The following ADAD1 variants were observed in gnomAD, a reference collection of about 807,000 sequenced individuals.
The protein encoded by ADAD1 is adenosine deaminase domain containing 1, also known as adenosine deaminase domain-containing protein 1.
A neutral mutation model predicts 66.8 loss-of-function variants in ADAD1; 46 were observed. The ratio of observed to expected loss-of-function variants is 0.69; its 90% CI spans 0.54 to 0.88. The LOEUF is 0.88. ADAD1 is among the 40% of genes least tolerant of loss of function. The pLI, the probability that ADAD1 is intolerant of heterozygous loss-of-function variation, is 0.00. For synonymous variants in ADAD1, 248 were observed against 229.4 expected (o/e 1.08, Z -0.73); for missense variants, 617 against 681.8 (o/e 0.91, Z 1.06).
Position 122,403,403 on chromosome 4 carries a change from C to T in ADAD1, c.725-4505C>T, listed in dbSNP as rs1012308343. 2.0e-4 allele frequency among the ~76,000 whole-genome samples: 30 copies of T among 152,114 alleles called. 1 individual carries two copies. The highest frequency in any genetic ancestry group is 1.4e-3 in the Admixed American group (21 of 15,262). On this transcript the variant is annotated intron_variant, in intron 7 of 12. Coordinates refer to ENST00000296513, the MANE Select transcript of ADAD1 (RefSeq NM_139243.4). ...TGCTCTGGTAGAGGTGGCAGGGTAG[C>T]GAAGTGGACTCTGTGGGAATCCTTG...
rs1044581563 is a variant in ADAD1, at chr4:122,411,099, T to A, written c.849-123T>A. On this transcript the variant is annotated intron_variant, in intron 8 of 12. Transcript: ENST00000296513. ...ATAAAGCTAAGATTGATTTAGGAGTTCTTACCTGTGTCAAAACTTTTAACA... is the reference window on the plus strand; with the variant it reads ...ATAAAGCTAAGATTGATTTAGGAGTACTTACCTGTGTCAAAACTTTTAACA... 5.4e-6 allele frequency: 4 copies of A among 744,232 alleles called. No individual in the cohort carries two copies. The East Asian group carries it at 1.2e-4, about 23-fold the overall frequency. The allele number at this position is 744,232 out of a possible 1,614,324, so 46.1% of individuals were successfully genotyped here.
At chr4:122,420,760 C>T (rs1473660805) in intron 11 of ADAD1, among the ~76,000 whole-genome samples, 1 of 152,162 alleles carries the variant, frequency 6.6e-6, no homozygotes, top group Admixed American at 6.5e-5. Flanking sequence ...CATCTACATG[C>T]ACATAATATA....
chr4:122,411,923 A>C (rs960768548), intron 9 of ADAD1, among the ~76,000 whole-genome samples: 1 of 152,170 alleles, frequency 6.6e-6, no homozygotes, highest in African/African-American at 2.4e-5. Context: ...GTATGGATTT[A>C]TGCACTACTC....
rs560462223 is a variant in ADAD1 at position 122,426,906 on chromosome 4, C to G, written c.1618-2720C>G. On this transcript the variant is annotated intron_variant, in intron 12 of 12. Transcript: ENST00000296513. ...TAATGGTGAAAAGACTGAATAACTC[C>G]TTTCCCTACTCAAGATTGGGGAAGA... Among the ~76,000 whole-genome samples, 7 of 152,288 alleles carry G rather than the reference C, an allele frequency of 4.6e-5. No homozygotes were observed. In the East Asian group the frequency reaches 1.3e-3, roughly 29 times the overall value.
chr4:122,407,397 A>G (rs1796263783), intron 7 of ADAD1, among the ~76,000 whole-genome samples: 1 of 152,178 alleles, frequency 6.6e-6, no homozygotes, highest in Non-Finnish European at 1.5e-5. Context: ...GAATGGAGCA[A>G]AGTTACTGGA....
At chr4:122,397,442 G>A (rs56387607) in intron 7 of ADAD1, among the ~76,000 whole-genome samples, 69,035 of 151,958 alleles carry the variant, frequency 0.45, 16,432 homozygotes, top group Middle Eastern at 0.63. Context: ...TAGAAACAGT[G>A]ACAACCCAAC....
intron 12 of ADAD1, among the ~76,000 whole-genome samples, chr4:122,429,103 A>G (rs906946994): frequency 1.3e-5 from 2 of 151,440 alleles, no homozygotes; most frequent in Non-Finnish European, 2.9e-5. Flanking sequence ...AATTAGTATG[A>G]TTAATCTTTT....
At chr4:122,392,393 T>G (rs373386843) in intron 5 of ADAD1, among the ~76,000 whole-genome samples, 2 of 152,170 alleles carry the variant, frequency 1.3e-5, no homozygotes, top group Non-Finnish European at 2.9e-5. Flanking sequence ...AGTCATGTCC[T>G]TTGCAGCAAC....
intron 7 of ADAD1, among the ~76,000 whole-genome samples, chr4:122,403,755 G>C (rs1796080756): frequency 6.6e-6 from 1 of 152,134 alleles, no homozygotes. Flanking sequence ...GCTCCCAAGA[G>C]TGCCTTTTGT....
rs546764461 is a variant in ADAD1 at position 122,390,630 on chromosome 4, C to T, written c.530-2959C>T. On this transcript the variant is annotated intron_variant, in intron 5 of 12. Coordinates refer to ENST00000296513, the MANE Select transcript of ADAD1 (RefSeq NM_139243.4). ...TCTTCAAATTCTGATATCCTTTTCT[C>T]TGCTTAGTCAATTCAGCTGTTGATA... 8.5e-5 allele frequency among the ~76,000 whole-genome samples: 13 copies of T among 152,300 alleles called. No homozygotes were observed. In the South Asian group the frequency reaches 2.7e-3, roughly 32 times the overall value.
intron 7 of ADAD1, among the ~76,000 whole-genome samples, chr4:122,400,270 A>G (rs1213190128): frequency 6.6e-6 from 1 of 152,012 alleles, no homozygotes; most frequent in Non-Finnish European, 1.5e-5. Context: ...TGATCACATA[A>G]TTTTTGTTTT....
intron 12 of ADAD1, among the ~76,000 whole-genome samples, chr4:122,422,583 G>T (rs202240432): frequency 6.6e-6 from 1 of 151,952 alleles, no homozygotes. Context: ...CTGTAAAGCC[G>T]TTACATTAAT....
At chr4:122,426,164 AG>A (rs1797226793) in intron 12 of ADAD1, among the ~76,000 whole-genome samples, 1 of 152,136 alleles carries the variant, frequency 6.6e-6, no homozygotes, top group African/African-American at 2.4e-5. Context: ...ATTTTAAAAA[AG>A]GTGGTTATCA....
At position 122,414,278 on chromosome 4, in the gene ADAD1, G is replaced by GC. The variant is rs1301423649; in HGVS notation, c.1250-1101_1250-1100insC. On this transcript the variant is annotated intron_variant, in intron 10 of 12. Coordinates refer to ENST00000296513, the MANE Select transcript of ADAD1 (RefSeq NM_139243.4). ...TTTTTCCAAATGTCTTTTTTTTTGGGGGGGGGGGTACAACTACTGTCATTA... is the reference window on the plus strand; with the variant it reads ...TTTTTCCAAATGTCTTTTTTTTTGGGCGGGGGGGGTACAACTACTGTCATTA... Among the ~76,000 whole-genome samples, 125 of 127,182 alleles carry GC rather than the reference G, an allele frequency of 9.8e-4. 15 individuals carry two copies. The highest frequency in any genetic ancestry group is 3.2e-4 in the Non-Finnish European group (19 of 59,660). 83.4% of individuals were successfully genotyped at this position (127,182 alleles called of 152,430 possible). A position where few individuals can be genotyped will look rare whatever the true frequency, so the allele number is the denominator to read the frequency against.
intron 7 of ADAD1, among the ~76,000 whole-genome samples, chr4:122,404,131 G>A (rs1403876204): frequency 6.6e-6 from 1 of 152,156 alleles, no homozygotes; most frequent in Non-Finnish European, 1.5e-5. Flanking sequence ...GGGCTTTCAG[G>A]CCTGGAGCCT....
At chr4:122,386,898 T>G (rs930542044) in intron 5 of ADAD1, among the ~76,000 whole-genome samples, 4 of 152,212 alleles carry the variant, frequency 2.6e-5, no homozygotes, top group African/African-American at 9.7e-5. Flanking sequence ...GGTCTACATG[T>G]CCGTTTTGGT....
chr4:122,423,300 A>T (rs1421976389), intron 12 of ADAD1, among the ~76,000 whole-genome samples: 1 of 152,222 alleles, frequency 6.6e-6, no homozygotes, highest in African/African-American at 2.4e-5. Context: ...TCCTGGTTGG[A>T]GGCAAGTGGT....
rs1412260518 is a variant in ADAD1 at position 122,422,953 on chromosome 4, C to CT, written c.1617+1566dup. Among the ~76,000 whole-genome samples the CT allele has an allele frequency of 5.6e-5, 5 of 89,548 alleles. No homozygotes were observed. The Admixed American group carries it at 5.6e-4, about 10-fold the overall frequency. The allele number at this position is 89,548 out of a possible 152,430, so 58.7% of individuals were successfully genotyped here. A position where few individuals can be genotyped will look rare whatever the true frequency, so the allele number is the denominator to read the frequency against. ...GGGGACAGAGCAAGACCCTATTTCT[C>CT]TTTAAAAAAAAAAAAAAAAAAAAAA... On this transcript the variant is annotated intron_variant, in intron 12 of 12. Transcript: ENST00000296513.
chr4:122,423,166 T>C (rs1236287033), intron 12 of ADAD1, among the ~76,000 whole-genome samples: 1 of 152,112 alleles, frequency 6.6e-6, no homozygotes, highest in South Asian at 2.1e-4. Context: ...CAGCTTTGCT[T>C]TCAGAGGAGG....
Sources: allele counts gnomAD v4.1 joint callset (sites outside exome capture counted in the v4.1 genomes callset), GRCh38; gene constraint gnomAD v4.1.1; transcripts MANE v1.5; gene names NCBI Gene and HGNC (gene_info 2026-07-23, HGNC 2026-07-21).